ABCA13: variants seen among roughly 807,000 people sequenced by gnomAD.
The protein encoded by ABCA13 is ATP binding cassette subfamily A member 13.
A neutral mutation model predicts 478.7 loss-of-function variants in ABCA13; 476 were observed. That is an observed-to-expected ratio of 0.99 (90% CI 0.92 to 1.07). ABCA13 has a LOEUF of 1.07. Among genes scored for constraint, ABCA13 ranks in the 50% least tolerant of loss-of-function variants. ABCA13 has a pLI of 0.00. For synonymous variants in ABCA13, 2,252 were observed against 2,158.9 expected, an observed-to-expected ratio of 1.04 and a Z score of -1.20; for missense variants, 6,060 against 5,910.6, an observed-to-expected ratio of 1.03 and a Z score of -0.83.
chr7:48,287,926 T>C, intron 19 of ABCA13, 34 bp from the exon 20 acceptor site: 2 of 1,547,250 alleles, frequency 1.3e-6, no homozygotes, highest in Non-Finnish European at 1.8e-6. Context: ...GAGGACTGTC[T>C]ATTAATTATT....
At chr7:48,194,672 G>A (rs1797690629) in intron 2 of ABCA13, among the ~76,000 whole-genome samples, 1 of 152,114 alleles carries the variant, frequency 6.6e-6, no homozygotes, top group Non-Finnish European at 1.5e-5. Context: ...TTTAATAAGT[G>A]TTGGGATTTA....
At chr7:48,488,349 T>C (rs61562434) in intron 47 of ABCA13, among the ~76,000 whole-genome samples, 17,765 of 151,830 alleles carry the variant, frequency 0.12, 1,270 homozygotes, top group Admixed American at 0.16. Flanking sequence ...AAATAATTAG[T>C]TATAGCATGA....
intron 45 of ABCA13, among the ~76,000 whole-genome samples, chr7:48,479,183 C>T (rs1828488847): frequency 1.3e-5 from 2 of 151,896 alleles, no homozygotes; most frequent in East Asian, 1.9e-4. Flanking sequence ...ATCTCCTGAC[C>T]TCGTGATCTG....
rs755872302 is a variant in ABCA13 at position 48,272,271 on chromosome 7, A to T, written c.2605A>T (p.Thr869Ser). 3 of 1,613,558 alleles carry T rather than the reference A, an allele frequency of 1.9e-6. No individual in the cohort carries two copies. In the African/African-American group the frequency reaches 4.0e-5, roughly 22 times the overall value. Residue 869 changes from threonine (T) to serine (S), a missense_variant, in exon 17 of 62, where the codon ACA becomes TCA. Coordinates refer to ENST00000435803, the MANE Select transcript of ABCA13 (RefSeq NM_152701.5). ...TGTTCCAGAAAATGAGATTCTGAGT[A>T]CAAGTTTTAACTTTTCCCAGTTGTT... is the stretch of plus-strand genomic sequence containing the variant. Reference protein sequence around the residue: ...FSVPENEILSTSFNFSQLFHS... With the variant: ...FSVPENEILSSSFNFSQLFHS...
chr7:48,633,604 C>T (rs909931038), intron 59 of ABCA13, among the ~76,000 whole-genome samples: 29 of 151,766 alleles, frequency 1.9e-4, no homozygotes, highest in African/African-American at 5.3e-4. Flanking sequence ...AGGCTGGGTG[C>T]GGTAGCTCAC....
At chr7:48,361,096 GAAA>G (rs74486985) in intron 31 of ABCA13, among the ~76,000 whole-genome samples, 1 of 131,510 alleles carries the variant, frequency 7.6e-6, no homozygotes. Flanking sequence ...ACCCTGTTTG[GAAA>G]AAAAAAAAAA....
chr7:48,285,002 G>A (rs1797533855), intron 19 of ABCA13, among the ~76,000 whole-genome samples: 1 of 152,182 alleles, frequency 6.6e-6, no homozygotes, highest in Non-Finnish European at 1.5e-5. Flanking sequence ...ATCTCCAGGA[G>A]GAAAGTGACA....
intron 31 of ABCA13, among the ~76,000 whole-genome samples, chr7:48,360,242 A>G (rs890901418): frequency 1.4e-5 from 2 of 139,916 alleles, no homozygotes; most frequent in African/African-American, 5.4e-5. Context: ...TCTGTGTCCA[A>G]GTGTTCTCAT....
At chr7:48,223,954 G>A (rs1787754408) in intron 5 of ABCA13, among the ~76,000 whole-genome samples, 1 of 127,874 alleles carries the variant, frequency 7.8e-6, no homozygotes, top group Non-Finnish European at 1.6e-5. Context: ...GCAAGACTCG[G>A]TCTCAAAAAA....
At chr7:48,187,841 C>T (rs1316399608) in intron 1 of ABCA13, among the ~76,000 whole-genome samples, 1 of 151,936 alleles carries the variant, frequency 6.6e-6, no homozygotes, top group Non-Finnish European at 1.5e-5. Context: ...TAAAGAAATT[C>T]TTCATTTTAT....
chr7:48,448,551 G>T (rs1335908954), intron 42 of ABCA13, among the ~76,000 whole-genome samples: 1 of 152,106 alleles, frequency 6.6e-6, no homozygotes, highest in African/African-American at 2.4e-5. Flanking sequence ...ACAATCATAG[G>T]GCATTGCAAA....
chr7:48,556,396 G>A (rs573348705), intron 55 of ABCA13, among the ~76,000 whole-genome samples: 12 of 151,900 alleles, frequency 7.9e-5, no homozygotes, highest in Non-Finnish European at 1.6e-4. Flanking sequence ...TGCTGCAAGT[G>A]GGGCATTGAA....
At chr7:48,371,075 G>A (rs1003679252) in intron 32 of ABCA13, among the ~76,000 whole-genome samples, 1 of 152,114 alleles carries the variant, frequency 6.6e-6, no homozygotes, top group African/African-American at 2.4e-5. Context: ...GTTTGTCGAA[G>A]ATCAGATGGT....
intron 39 of ABCA13, 179 bp downstream of exon 39, chr7:48,404,058 G>T (rs1459298268): frequency 1.5e-6 from 1 of 683,556 alleles, no homozygotes; most frequent in South Asian, 1.5e-5. Context: ...TCTCTATAGT[G>T]CTTAGAATTG....
At position 48,506,544 on chromosome 7, in the gene ABCA13, T is replaced by A. The variant is rs866336992; in HGVS notation, c.13346+154T>A. Among the ~76,000 whole-genome samples the A allele has an allele frequency of 2.4e-4, 37 of 152,312 alleles. No homozygotes were observed. The South Asian group carries it at 4.8e-3, about 20-fold the overall frequency. ...TGCCCACAGGACTTGGGCATTTCTT[T>A]GCAAAGTGTGAGAAAAACGACTATT... On this transcript the variant is annotated intron_variant, in intron 49 of 61. Transcript: ENST00000435803.
At chr7:48,488,104 G>T (rs541904101) in intron 47 of ABCA13, among the ~76,000 whole-genome samples, 3 of 152,148 alleles carry the variant, frequency 2.0e-5, no homozygotes, top group African/African-American at 7.2e-5. Context: ...GATTGGCAAG[G>T]ATTTCTCTGT....
chr7:48,193,579 A>G (rs1797400623), intron 2 of ABCA13, among the ~76,000 whole-genome samples: 1 of 151,534 alleles, frequency 6.6e-6, no homozygotes, highest in South Asian at 2.1e-4. Flanking sequence ...GACAGAGATG[A>G]TAGTAATGAA....
rs573954986 is a variant in ABCA13, at chr7:48,495,162, GA to G, written c.13291+5820del. Among the ~76,000 whole-genome samples the G allele has an allele frequency of 6.0e-3, 907 of 152,278 alleles. 3 individuals carry two copies. Among genetic ancestry groups the G allele is most frequent in the Non-Finnish European group, 8.7e-3 (589 of 68,028 alleles). On this transcript the variant is annotated intron_variant, in intron 48 of 61. Coordinates refer to ENST00000435803, the MANE Select transcript of ABCA13 (RefSeq NM_152701.5). ...GCAATGATTGATGCACAAATTTGAT[GA>G]ATTTTCTAAAGTTCAAGGATAAAGA... is the stretch of plus-strand genomic sequence containing the variant.
intron 42 of ABCA13, among the ~76,000 whole-genome samples, chr7:48,448,770 T>C (rs982301854): frequency 1.3e-5 from 2 of 152,204 alleles, no homozygotes; most frequent in African/African-American, 4.8e-5. Flanking sequence ...AAATATTGCC[T>C]CCACTTATTA....
Sources: allele counts gnomAD v4.1 joint callset (sites outside exome capture counted in the v4.1 genomes callset), GRCh38; gene constraint gnomAD v4.1.1; transcripts MANE v1.5; gene names NCBI Gene and HGNC (gene_info 2026-07-23, HGNC 2026-07-21).